SPAG1: variants seen among roughly 807,000 people sequenced by gnomAD.
SPAG1 encodes the protein sperm associated antigen 1, also known as sperm-associated antigen 1.
A neutral mutation model predicts 100.5 loss-of-function variants in SPAG1; 69 were observed. That is an observed-to-expected ratio of 0.69 (90% CI 0.57 to 0.84). The LOEUF (loss-of-function observed/expected upper bound fraction) is 0.84. Ranked by LOEUF, SPAG1 falls within the 40% of genes least tolerant of loss-of-function variation. The probability of loss-of-function intolerance (pLI) is 0.00; values close to 1 mark genes in which losing one functional copy is unlikely to be tolerated. For missense variants in SPAG1, 955 were observed against 1,133.1 expected, an observed-to-expected ratio of 0.84 and a Z score of 2.26; for synonymous variants, 336 against 411.6, an observed-to-expected ratio of 0.82 and a Z score of 2.22.
At chr8:100,165,242 C>G in intron 2 of SPAG1, 2 of 521,826 alleles carry the variant, frequency 3.8e-6, no homozygotes, top group South Asian at 1.4e-5. Flanking sequence ...CATCACGACT[C>G]TAGGAATAAT....
intron 10 of SPAG1, among the ~76,000 whole-genome samples, chr8:100,196,848 A>G (rs1481700012): frequency 1.3e-5 from 2 of 152,008 alleles, no homozygotes; most frequent in Non-Finnish European, 2.9e-5. Flanking sequence ...AGGTGTGATC[A>G]TGGCTCACTA....
intron 16 of SPAG1, among the ~76,000 whole-genome samples, chr8:100,236,419 C>T (rs894347535): frequency 6.6e-6 from 1 of 152,188 alleles, no homozygotes; most frequent in Non-Finnish European, 1.5e-5. Context: ...GCTAGGATTA[C>T]AGATGTGTGC....
At position 100,239,142 on chromosome 8, in the gene SPAG1, C is replaced by T; in HGVS notation, c.2116-98C>T. ...GTGGTATTAATGTGGACCCTGCACACATACTGCACAGCTCACTACATCCAC... is the reference window on the plus strand; with the variant it reads ...GTGGTATTAATGTGGACCCTGCACATATACTGCACAGCTCACTACATCCAC... On this transcript the variant is annotated intron_variant, in intron 16 of 18. Coordinates refer to ENST00000388798, the MANE Select transcript of SPAG1 (RefSeq NM_003114.5). The surrounding 1 kb of genome is among the most constrained non-coding windows in gnomAD (Gnocchi z 5.0). 1.5e-6 allele frequency: 1 copy of T among 684,052 alleles called. No individual in the cohort carries two copies. The highest frequency in any genetic ancestry group is 2.5e-6 in the Non-Finnish European group (1 of 407,176). The allele number at this position is 684,052 out of a possible 1,614,324, so 42.4% of individuals were successfully genotyped here.
intron 10 of SPAG1, among the ~76,000 whole-genome samples, chr8:100,205,998 A>C (rs1817491430): frequency 7.7e-6 from 1 of 130,576 alleles, no homozygotes; most frequent in Admixed American, 8.6e-5. Context: ...CAGCCTGGCG[A>C]CAGAGTGAGA....
intron 12 of SPAG1, among the ~76,000 whole-genome samples, chr8:100,214,321 C>T (rs1412540555): frequency 6.6e-6 from 1 of 152,226 alleles, no homozygotes; most frequent in Non-Finnish European, 1.5e-5. Flanking sequence ...TACACTGCCT[C>T]CAAGCAAGTT....
In SPAG1 at chr8:100,239,151, C is replaced by A; in HGVS notation, c.2116-89C>A. 1 of 758,782 alleles carries A rather than the reference C, an allele frequency of 1.3e-6. No individual in the cohort carries two copies. The highest frequency in any genetic ancestry group is 2.1e-6 in the Non-Finnish European group (1 of 465,232). The allele number at this position is 758,782 out of a possible 1,614,324, so 47.0% of individuals were successfully genotyped here. A position where few individuals can be genotyped will look rare whatever the true frequency, so the allele number is the denominator to read the frequency against. Reference sequence around the variant, plus strand: ...ATGTGGACCCTGCACACATACTGCACAGCTCACTACATCCACCCCACTCCC... The same window carrying A: ...ATGTGGACCCTGCACACATACTGCAAAGCTCACTACATCCACCCCACTCCC... On this transcript the variant is annotated intron_variant, in intron 16 of 18. Transcript: ENST00000388798. The surrounding 1 kb of genome is among the most constrained non-coding windows in gnomAD (Gnocchi z 5.0).
At chr8:100,218,915 C>T (rs1818135904) in intron 12 of SPAG1, among the ~76,000 whole-genome samples, 1 of 152,118 alleles carries the variant, frequency 6.6e-6, no homozygotes, top group South Asian at 2.1e-4. Context: ...TTTGAGGGCT[C>T]ACAGAGAAGT....
chr8:100,215,722 C>CT (rs1395826349), intron 12 of SPAG1, among the ~76,000 whole-genome samples: 1 of 152,164 alleles, frequency 6.6e-6, no homozygotes, highest in Non-Finnish European at 1.5e-5. Context: ...GACGGGGTTT[C>CT]ACAGTGTTAG....
intron 4 of SPAG1, among the ~76,000 whole-genome samples, chr8:100,181,339 C>G (rs1816359112): frequency 6.6e-6 from 1 of 152,094 alleles, no homozygotes; most frequent in Admixed American, 6.6e-5. Flanking sequence ...CAATTCATGT[C>G]CATTTCTTGA....
intron 2 of SPAG1, among the ~76,000 whole-genome samples, 157 bp from the exon 3 acceptor site, chr8:100,165,657 A>G (rs900979151): frequency 6.6e-6 from 1 of 152,164 alleles, no homozygotes; most frequent in Non-Finnish European, 1.5e-5. Flanking sequence ...ATTAACGGGT[A>G]AAAATGGAGA....
At chr8:100,180,490 C>T (rs2132249364) in intron 4 of SPAG1, among the ~76,000 whole-genome samples, 1 of 152,250 alleles carries the variant, frequency 6.6e-6, no homozygotes, top group South Asian at 2.1e-4. Flanking sequence ...AAAATTACAA[C>T]AAATTTCAAG....
At chr8:100,224,681 A>T (rs1172426411) in intron 13 of SPAG1, among the ~76,000 whole-genome samples, 1 of 152,232 alleles carries the variant, frequency 6.6e-6, no homozygotes, top group Non-Finnish European at 1.5e-5. Context: ...AGCCCTTACC[A>T]GTGTTGGCAG....
At chr8:100,189,429 A>C (rs770995610) in intron 8 of SPAG1, among the ~76,000 whole-genome samples, 2 of 152,144 alleles carry the variant, frequency 1.3e-5, no homozygotes, top group Non-Finnish European at 2.9e-5. Flanking sequence ...GTGAGCTGAG[A>C]TCACGCCACT....
intron 10 of SPAG1, among the ~76,000 whole-genome samples, chr8:100,211,637 A>G (rs1421430836): frequency 6.6e-6 from 1 of 152,252 alleles, no homozygotes; most frequent in Non-Finnish European, 1.5e-5. Flanking sequence ...ACCCTGGGCA[A>G]TAGAGCAAGA....
chr8:100,221,068 A>T (rs1818253225), intron 13 of SPAG1, among the ~76,000 whole-genome samples: 1 of 149,878 alleles, frequency 6.7e-6, no homozygotes, highest in African/African-American at 2.5e-5. Flanking sequence ...GCAAGATTCC[A>T]ACTCCAAAAA....
intron 12 of SPAG1, among the ~76,000 whole-genome samples, chr8:100,217,885 C>T (rs1010122577): frequency 2.6e-5 from 4 of 152,040 alleles, no homozygotes; most frequent in African/African-American, 9.7e-5. Flanking sequence ...TGGGTTCAAG[C>T]GATTCTTGTA....
At chr8:100,204,650 G>T (rs2132322902) in intron 10 of SPAG1, among the ~76,000 whole-genome samples, 1 of 152,346 alleles carries the variant, frequency 6.6e-6, no homozygotes, top group Non-Finnish European at 1.5e-5. Context: ...GGCTTAGGGA[G>T]ATTGGGATGG....
intron 14 of SPAG1, among the ~76,000 whole-genome samples, chr8:100,226,371 A>G (rs1301374349): frequency 6.6e-6 from 1 of 152,158 alleles, no homozygotes; most frequent in Non-Finnish European, 1.5e-5. Context: ...TATATAAAAT[A>G]GTATATTCTG....
chr8:100,171,013 A>C (rs1270505238), intron 3 of SPAG1, among the ~76,000 whole-genome samples: 2 of 151,212 alleles, frequency 1.3e-5, no homozygotes, highest in African/African-American at 4.9e-5. Flanking sequence ...ATCAAGTTGA[A>C]GTTTTCTTCT....
Sources: allele counts gnomAD v4.1 joint callset (sites outside exome capture counted in the v4.1 genomes callset), GRCh38; gene constraint gnomAD v4.1.1; non-coding constraint Gnocchi (gnomAD v3.1); transcripts MANE v1.5; gene names NCBI Gene and HGNC (gene_info 2026-07-23, HGNC 2026-07-21).